PREX1: variants seen among roughly 807,000 people sequenced by gnomAD.
PREX1 encodes the protein phosphatidylinositol-3,4,5-trisphosphate dependent Rac exchange factor 1.
In PREX1, 41 loss-of-function variants were observed where a neutral mutation model predicts 198.3. That is an observed-to-expected ratio of 0.21 (90% CI 0.16 to 0.27). PREX1 has a LOEUF of 0.27. Among genes scored for constraint, PREX1 ranks in the 10% least tolerant of loss-of-function variants. The pLI, the probability that PREX1 is intolerant of heterozygous loss-of-function variation, is 1.00. For missense variants in PREX1, 1,620 were observed against 2,200.7 expected (o/e 0.74, Z 5.28); for synonymous variants, 843 against 887.2 (o/e 0.95, Z 0.89).
At chr20:48,766,346 G>A (rs1213260664) in intron 1 of PREX1, among the ~76,000 whole-genome samples, 1 of 152,112 alleles carries the variant, frequency 6.6e-6, no homozygotes, top group Non-Finnish European at 1.5e-5. Flanking sequence ...GACACAAAGG[G>A]ATCGTCACAA....
At chr20:48,805,685 C>A (rs2123025942) in intron 1 of PREX1, among the ~76,000 whole-genome samples, 1 of 152,284 alleles carries the variant, frequency 6.6e-6, no homozygotes, top group South Asian at 2.1e-4. Context: ...CCCAGAATCC[C>A]ACCTCACCCC....
rs1018442049 is a variant in PREX1, at chr20:48,744,983, T to C, written c.414+42A>G. 8 of 1,604,570 alleles carry C rather than the reference T, an allele frequency of 5.0e-6. No individual in the cohort carries two copies. The African/African-American group carries it at 1.1e-4, about 22-fold the overall frequency. On this transcript the variant is annotated intron_variant, in intron 3 of 39. Coordinates refer to ENST00000371941, the MANE Select transcript of PREX1 (RefSeq NM_020820.4). ...AGGGACCCAGGGAGAAGCCCACTTT[T>C]CAAAAACTAGAGTCCACCAGGGGCA...
chr20:48,750,235 C>CA (rs796654519), intron 1 of PREX1, among the ~76,000 whole-genome samples: 30 of 152,014 alleles, frequency 2.0e-4, no homozygotes, highest in African/African-American at 7.0e-4. Flanking sequence ...ACCACCCCCC[C>CA]AGTCCAAGCC....
intron 7 of PREX1, among the ~76,000 whole-genome samples, chr20:48,693,978 C>T (rs2089833003): frequency 6.6e-6 from 1 of 151,976 alleles, no homozygotes; most frequent in Non-Finnish European, 1.5e-5. Context: ...GTGGCACAAT[C>T]TCATCCCACT....
At chr20:48,817,327 T>G (rs147061014) in intron 1 of PREX1, among the ~76,000 whole-genome samples, 1,668 of 152,210 alleles carry the variant, frequency 0.011, 14 homozygotes, top group Non-Finnish European at 0.014. Context: ...CAAAATAAAT[T>G]CAGTCACTTA....
At chr20:48,664,017 G>A (rs1379448602) in intron 15 of PREX1, among the ~76,000 whole-genome samples, 4 of 152,200 alleles carry the variant, frequency 2.6e-5, no homozygotes, top group African/African-American at 9.6e-5. Context: ...CGTGATGTCA[G>A]AATGAACAAA....
At chr20:48,770,766 A>T (rs1259351198) in intron 1 of PREX1, among the ~76,000 whole-genome samples, 1 of 152,232 alleles carries the variant, frequency 6.6e-6, no homozygotes, top group East Asian at 1.9e-4. Flanking sequence ...GGAGACCCAG[A>T]TTTGCAAACC....
chr20:48,649,978 A>C lies in PREX1; in HGVS notation c.3028+18T>G. 6.2e-7 allele frequency: 1 copy of C among 1,611,820 alleles called. No individual in the cohort carries two copies. On this transcript the variant is annotated intron_variant, in intron 24 of 39. Coordinates refer to ENST00000371941, the MANE Select transcript of PREX1 (RefSeq NM_020820.4). ...GTGCAACATCTGAACACAGTTTCTAATAGACACACACAGGTACCTTGCTCC... is the reference window on the plus strand; with the variant it reads ...GTGCAACATCTGAACACAGTTTCTACTAGACACACACAGGTACCTTGCTCC...
chr20:48,813,791 T>C (rs2180982), intron 1 of PREX1, among the ~76,000 whole-genome samples: 150,432 of 152,314 alleles, frequency 0.99, 74,289 homozygotes, highest in East Asian at 1. Context: ...CTGCCATATG[T>C]GTGTAGAAAT....
chr20:48,790,032 T>C (rs1335493610), intron 1 of PREX1, among the ~76,000 whole-genome samples: 1 of 152,180 alleles, frequency 6.6e-6, no homozygotes, highest in East Asian at 1.9e-4. Context: ...AGTAGAGTGC[T>C]GTAGTTAAGA....
At chr20:48,838,723 T>G in the PREX1 span, among the ~76,000 whole-genome samples, 7 of 152,090 alleles carry the variant, frequency 4.6e-5, no homozygotes, top group Non-Finnish European at 8.8e-5. Context: ...GTATTACATA[T>G]TCATAGGAAA....
chr20:48,851,198 T>C, the PREX1 span, among the ~76,000 whole-genome samples: 1 of 152,178 alleles, frequency 6.6e-6, no homozygotes, highest in South Asian at 2.1e-4. Flanking sequence ...AAATGTTTGC[T>C]GATCTCTGGT....
chr20:48,826,147 C>T (rs966658825), intron 1 of PREX1, among the ~76,000 whole-genome samples: 1 of 152,124 alleles, frequency 6.6e-6, no homozygotes, highest in African/African-American at 2.4e-5. Context: ...CCCTCTTTCT[C>T]CCAAAGACTA....
At chr20:48,884,114 G>C in the PREX1 span, among the ~76,000 whole-genome samples, 1 of 146,024 alleles carries the variant, frequency 6.8e-6, no homozygotes, top group Non-Finnish European at 1.5e-5. Context: ...ACTCCAGCCT[G>C]GACGACAGAG....
intron 1 of PREX1, among the ~76,000 whole-genome samples, chr20:48,781,316 C>T (rs950999859): frequency 4.6e-5 from 7 of 152,150 alleles, no homozygotes; most frequent in Admixed American, 1.3e-4. Flanking sequence ...AAAATGTCAA[C>T]GTAATGGGAA....
intron 1 of PREX1, among the ~76,000 whole-genome samples, chr20:48,797,975 A>C (rs2122998443): frequency 6.6e-6 from 1 of 152,234 alleles, no homozygotes; most frequent in East Asian, 1.9e-4. Flanking sequence ...TTTGACTCTT[A>C]ATCTCTTCTC....
chr20:48,701,248 G>A (rs961611732), intron 6 of PREX1, among the ~76,000 whole-genome samples: 9 of 152,086 alleles, frequency 5.9e-5, no homozygotes, highest in African/African-American at 1.9e-4. Context: ...AATTTCACTC[G>A]TTGCCCAGGC....
At chr20:48,792,866 C>T (rs1265555804) in intron 1 of PREX1, among the ~76,000 whole-genome samples, 1 of 130,830 alleles carries the variant, frequency 7.6e-6, no homozygotes, top group African/African-American at 3.0e-5. Context: ...AGTATGATTC[C>T]ATTTATATCC....
the PREX1 span, among the ~76,000 whole-genome samples, chr20:48,887,168 C>A: frequency 6.6e-6 from 1 of 152,194 alleles, no homozygotes; most frequent in Non-Finnish European, 1.5e-5. Flanking sequence ...TATTACTGAT[C>A]AGCCTCATAA....
Sources: allele counts gnomAD v4.1 joint callset (sites outside exome capture counted in the v4.1 genomes callset), GRCh38; gene constraint gnomAD v4.1.1; transcripts MANE v1.5; gene names NCBI Gene and HGNC (gene_info 2026-07-23, HGNC 2026-07-21).